Variants in CADPS observed in about 807,000 individuals in gnomAD.
CADPS encodes the protein calcium-dependent secretion activator 1.
Under a neutral mutation model 167.3 loss-of-function variants are expected in CADPS, and 57 were observed. The ratio of observed to expected loss-of-function variants is 0.34; its 90% confidence interval spans 0.28 to 0.42. The LOEUF (loss-of-function observed/expected upper bound fraction) is 0.42. Ranked by LOEUF, CADPS falls within the 20% of genes least tolerant of loss-of-function variation. CADPS has a pLI of 1.00. For synonymous variants in CADPS, 676 were observed against 635.3 expected, an observed-to-expected ratio of 1.06 and a Z score of -0.96; for missense variants, 1,414 against 1,738.1, an observed-to-expected ratio of 0.81 and a Z score of 3.32.
intron 17 of CADPS, among the ~76,000 whole-genome samples, chr3:62,502,052 C>T (rs1377126568): frequency 2.0e-5 from 3 of 152,212 alleles, no homozygotes; most frequent in Non-Finnish European, 4.4e-5. Flanking sequence ...TGCCAATTAA[C>T]CCATGTAGCC....
intron 1 of CADPS, among the ~76,000 whole-genome samples, chr3:62,853,137 A>C (rs1029676961): frequency 6.6e-6 from 1 of 152,216 alleles, no homozygotes; most frequent in African/African-American, 2.4e-5. Flanking sequence ...ACAGTAGGAC[A>C]AACAGGAAAT....
chr3:62,466,254 T>G, intron 25 of CADPS, 85 bp downstream of exon 25: 1 of 929,448 alleles, frequency 1.1e-6, no homozygotes, highest in South Asian at 1.5e-5. Flanking sequence ...CAGCTCAACT[T>G]TTTAATGTGT....
At chr3:62,584,266 C>T (rs1172157844) in intron 8 of CADPS, among the ~76,000 whole-genome samples, 1 of 152,160 alleles carries the variant, frequency 6.6e-6, no homozygotes, top group Non-Finnish European at 1.5e-5. Flanking sequence ...CTCGGCCTCC[C>T]AAAGTGCTGG....
chr3:62,562,138 T>C (rs1183029624), intron 9 of CADPS, among the ~76,000 whole-genome samples: 1 of 152,176 alleles, frequency 6.6e-6, no homozygotes, highest in Non-Finnish European at 1.5e-5. Flanking sequence ...GATGGGTGGT[T>C]GGGCAAGGAA....
intron 1 of CADPS, among the ~76,000 whole-genome samples, chr3:62,788,617 C>A (rs936009988): frequency 1.4e-4 from 22 of 152,100 alleles, no homozygotes; most frequent in Non-Finnish European, 2.9e-5. Flanking sequence ...CCTGTTTTAG[C>A]TTTTGATGTG....
intron 3 of CADPS, among the ~76,000 whole-genome samples, chr3:62,693,117 T>G (rs75303905): frequency 0.071 from 10,741 of 151,982 alleles, 467 homozygotes; most frequent in South Asian, 0.16. Context: ...CCTCCCAATT[T>G]CCACTCAAGT....
At chr3:62,725,406 G>T (rs2076557648) in intron 3 of CADPS, among the ~76,000 whole-genome samples, 1 of 152,162 alleles carries the variant, frequency 6.6e-6, no homozygotes. Flanking sequence ...CCTAACAATA[G>T]TCTTCAGCCC....
intron 3 of CADPS, among the ~76,000 whole-genome samples, chr3:62,672,321 G>A (rs2075671684): frequency 2.0e-5 from 3 of 152,162 alleles, no homozygotes; most frequent in Admixed American, 2.0e-4. Context: ...ACGCCATGAA[G>A]TACGAATTTA....
At chr3:62,643,710 G>T (rs187830171) in intron 6 of CADPS, among the ~76,000 whole-genome samples, 11 of 152,322 alleles carry the variant, frequency 7.2e-5, no homozygotes, top group Admixed American at 1.3e-4. Flanking sequence ...ACAACAGTCT[G>T]TTAGAATAAT....
chr3:62,793,491 C>T (rs1456458397), intron 1 of CADPS, among the ~76,000 whole-genome samples: 5 of 152,210 alleles, frequency 3.3e-5, no homozygotes, highest in East Asian at 1.9e-4. Context: ...CTCATTTTGC[C>T]GCATCACAGT....
intron 3 of CADPS, among the ~76,000 whole-genome samples, chr3:62,718,146 T>G (rs1484656495): frequency 6.6e-6 from 1 of 152,198 alleles, no homozygotes; most frequent in African/African-American, 2.4e-5. Context: ...TCTGCAATCT[T>G]ATTTCATTAG....
chr3:62,556,994 AACAC>A (rs56228621), intron 10 of CADPS, among the ~76,000 whole-genome samples: 3,693 of 143,214 alleles, frequency 0.026, 86 homozygotes, highest in African/African-American at 0.056. Context: ...GGTGAAAAAC[AACAC>A]ACACACACAC....
rs199913181 is a variant in CADPS at position 62,690,814 on chromosome 3, C to T, written c.889-28420G>A. 1.4e-4 allele frequency among the ~76,000 whole-genome samples: 22 copies of T among 152,072 alleles called. 1 individual carries two copies. The East Asian group carries it at 4.1e-3, about 28-fold the overall frequency. On this transcript the variant is annotated intron_variant, in intron 3 of 29. Coordinates refer to ENST00000383710, the MANE Select transcript of CADPS (RefSeq NM_003716.4). The stretch of plus-strand genomic sequence containing the variant: ...GGAAAACACATGTCAACAATGTTTC[C>T]TTTTACTCCTTGGTATTTACCCAAA...
intron 1 of CADPS, among the ~76,000 whole-genome samples, chr3:62,785,432 G>A (rs1312834129): frequency 6.6e-6 from 1 of 152,144 alleles, no homozygotes; most frequent in Non-Finnish European, 1.5e-5. Context: ...TACACCTTGA[G>A]CCTTGCTTTG....
At chr3:62,746,104 A>C (rs927277506) in intron 3 of CADPS, among the ~76,000 whole-genome samples, 6 of 152,208 alleles carry the variant, frequency 3.9e-5, no homozygotes, top group Non-Finnish European at 8.8e-5. Context: ...GCCTGTGGGC[A>C]AACAATGTTT....
At chr3:62,467,558 A>C (rs2150418359) in intron 24 of CADPS, among the ~76,000 whole-genome samples, 1 of 152,248 alleles carries the variant, frequency 6.6e-6, no homozygotes, top group Middle Eastern at 3.4e-3. Context: ...GTTTGTTTGT[A>C]ATTGGAAGAC....
chr3:62,523,451 T>C (rs2151829005), intron 13 of CADPS, among the ~76,000 whole-genome samples: 1 of 152,326 alleles, frequency 6.6e-6, no homozygotes, highest in South Asian at 2.1e-4. Context: ...TGTTGTTAAA[T>C]TGTCACTACA....
In CADPS at chr3:62,650,925, A is replaced by G; in HGVS notation, c.1125T>C (p.Asn375=). The G allele has an allele frequency of 6.2e-7, 1 of 1,614,062 alleles. No individual in the cohort carries two copies. Among genetic ancestry groups the G allele is most frequent in the South Asian group, 1.1e-5 (1 of 91,078 alleles). ...FKLQKLKRSH[N]ASIIDMGEES... ...CCTCGCCCATGTCGATGATGGAAGCATTGTGGCTGCGTTTGAGTTTCTGGA... is the reference window on the plus strand; with the variant it reads ...CCTCGCCCATGTCGATGATGGAAGCGTTGTGGCTGCGTTTGAGTTTCTGGA... The change falls in exon 5 of 30, where the codon AAT becomes AAC. Residue 375 remains asparagine, a synonymous_variant. Transcript: ENST00000383710.
intron 28 of CADPS, among the ~76,000 whole-genome samples, chr3:62,437,499 A>G (rs2149752620): frequency 6.6e-6 from 1 of 152,118 alleles, no homozygotes; most frequent in South Asian, 2.1e-4. Context: ...CATTCTTTGT[A>G]CACCTGTTTC....
Sources: allele counts gnomAD v4.1 joint callset (sites outside exome capture counted in the v4.1 genomes callset), GRCh38; gene constraint gnomAD v4.1.1; transcripts MANE v1.5; gene names NCBI Gene and HGNC (gene_info 2026-07-23, HGNC 2026-07-21).